SGCZ: variants seen among roughly 807,000 people sequenced by gnomAD.
SGCZ encodes zeta-sarcoglycan.
In SGCZ, 40 loss-of-function variants were observed where a neutral mutation model predicts 41.3. The observed-to-expected ratio is 0.97, with a 90% CI of 0.75 to 1.26. The LOEUF is 1.26. SGCZ is among the 50% of genes most tolerant of loss of function. The pLI is 0.00. For missense variants in SGCZ, 552 were observed against 369.8 expected, an observed-to-expected ratio of 1.49 and a Z score of -4.04; for synonymous variants, 206 against 137.5, an observed-to-expected ratio of 1.50 and a Z score of -3.49.
intron 5 of SGCZ, among the ~76,000 whole-genome samples, chr8:14,112,231 T>C (rs2117013706): frequency 6.6e-6 from 1 of 150,554 alleles, no homozygotes; most frequent in East Asian, 1.9e-4. Flanking sequence ...CTGGCCTTTA[T>C]TTTTCCAATA....
chr8:14,411,369 T>A (rs1455499182), intron 2 of SGCZ, among the ~76,000 whole-genome samples: 1 of 152,140 alleles, frequency 6.6e-6, no homozygotes, highest in East Asian at 1.9e-4. Context: ...CATATTAGTG[T>A]TCTGTTACTT....
intron 1 of SGCZ, among the ~76,000 whole-genome samples, chr8:14,958,793 G>A (rs1191573002): frequency 6.6e-6 from 1 of 152,018 alleles, no homozygotes; most frequent in Non-Finnish European, 1.5e-5. Flanking sequence ...GAAACACACA[G>A]ATGTCTGCAA....
intron 6 of SGCZ, among the ~76,000 whole-genome samples, chr8:14,104,358 T>A (rs1044540914): frequency 6.8e-6 from 1 of 146,138 alleles, no homozygotes; most frequent in African/African-American, 2.4e-5. Context: ...AAGCATTCTG[T>A]TTTTTTATGG....
intron 1 of SGCZ, among the ~76,000 whole-genome samples, chr8:15,111,454 T>G (rs1379669183): frequency 6.6e-6 from 1 of 152,138 alleles, no homozygotes; most frequent in African/African-American, 2.4e-5. Flanking sequence ...CACTTGAGCC[T>G]CAAGCCACGG....
intron 3 of SGCZ, among the ~76,000 whole-genome samples, chr8:14,314,413 A>G (rs917009129): frequency 2.0e-5 from 3 of 152,280 alleles, no homozygotes; most frequent in South Asian, 2.1e-4. Context: ...TATGTAAAAA[A>G]GATATTTGTA....
intron 4 of SGCZ, among the ~76,000 whole-genome samples, chr8:14,228,156 C>T (rs943137951): frequency 1.3e-4 from 20 of 151,992 alleles, no homozygotes; most frequent in Admixed American, 3.9e-4. Context: ...ACCAAATTTC[C>T]AAAGACATGT....
intron 7 of SGCZ, among the ~76,000 whole-genome samples, chr8:14,101,654 T>A (rs1802024886): frequency 6.6e-6 from 1 of 152,112 alleles, no homozygotes; most frequent in Non-Finnish European, 1.5e-5. Flanking sequence ...CCAGGAAATA[T>A]CATTCCTAAA....
chr8:14,278,318 C>T (rs1800305169), intron 3 of SGCZ, among the ~76,000 whole-genome samples: 2 of 152,106 alleles, frequency 1.3e-5, no homozygotes, highest in Admixed American at 6.6e-5. Context: ...ACCTTTTTCT[C>T]CTATATGTCT....
intron 3 of SGCZ, among the ~76,000 whole-genome samples, chr8:14,294,572 T>G (rs751313438): frequency 6.6e-6 from 1 of 151,922 alleles, no homozygotes; most frequent in Non-Finnish European, 1.5e-5. Context: ...AAATCAAACT[T>G]TAAGATTGTT....
intron 1 of SGCZ, among the ~76,000 whole-genome samples, chr8:15,223,102 C>T (rs1161270618): frequency 3.3e-5 from 5 of 152,088 alleles, no homozygotes; most frequent in Non-Finnish European, 5.9e-5. Context: ...TTTACCAACC[C>T]TTAAAGCATA....
chr8:15,132,417 A>G (rs1475535291), intron 1 of SGCZ, among the ~76,000 whole-genome samples: 2 of 152,190 alleles, frequency 1.3e-5, no homozygotes, highest in African/African-American at 2.4e-5. Flanking sequence ...TCCTGTTCTT[A>G]CAGCCGCCAT....
intron 4 of SGCZ, among the ~76,000 whole-genome samples, chr8:14,189,145 C>A (rs1247625781): frequency 6.6e-6 from 1 of 152,074 alleles, no homozygotes; most frequent in Non-Finnish European, 1.5e-5. Flanking sequence ...AGGCGTGAGC[C>A]ACTGCACCTG....
intron 1 of SGCZ, among the ~76,000 whole-genome samples, chr8:14,581,859 T>G (rs1443313310): frequency 1.3e-5 from 2 of 152,206 alleles, no homozygotes; most frequent in Non-Finnish European, 2.9e-5. Flanking sequence ...TATACACAGA[T>G]GATGCTAGAA....
intron 2 of SGCZ, among the ~76,000 whole-genome samples, chr8:14,503,226 C>T (rs917072454): frequency 6.6e-6 from 1 of 152,132 alleles, no homozygotes; most frequent in South Asian, 2.1e-4. Flanking sequence ...TGTTCTCACT[C>T]ATAAGTGGGA....
chr8:14,435,937 T>G (rs763521518), intron 2 of SGCZ, among the ~76,000 whole-genome samples: 3 of 152,138 alleles, frequency 2.0e-5, no homozygotes, highest in Non-Finnish European at 4.4e-5. Flanking sequence ...GAACAAAGAA[T>G]AATGAAAGGA....
chr8:14,468,870 A>C (rs1801128659), intron 2 of SGCZ, among the ~76,000 whole-genome samples: 1 of 152,126 alleles, frequency 6.6e-6, no homozygotes, highest in Admixed American at 6.6e-5. Flanking sequence ...ACAAATAATG[A>C]ATATAAAGTA....
chr8:14,972,328 T>C (rs1201107576), intron 1 of SGCZ, among the ~76,000 whole-genome samples: 2 of 152,174 alleles, frequency 1.3e-5, no homozygotes, highest in East Asian at 3.8e-4. Flanking sequence ...TTCTGATAAA[T>C]TTGGATAGCT....
intron 5 of SGCZ, among the ~76,000 whole-genome samples, chr8:14,108,557 C>G (rs1429858662): frequency 6.6e-6 from 1 of 151,996 alleles, no homozygotes; most frequent in Non-Finnish European, 1.5e-5. Flanking sequence ...CATCAGATCT[C>G]GTGAGACTTA....
intron 1 of SGCZ, among the ~76,000 whole-genome samples, chr8:15,136,896 A>C (rs1808128493): frequency 1.3e-5 from 2 of 152,190 alleles, no homozygotes; most frequent in South Asian, 4.1e-4. Context: ...AAAATGTGCA[A>C]GCAGCTTTGG....
Sources: allele counts gnomAD v4.1 joint callset (sites outside exome capture counted in the v4.1 genomes callset), GRCh38; gene constraint gnomAD v4.1.1; transcripts MANE v1.5; gene names NCBI Gene and HGNC (gene_info 2026-07-23, HGNC 2026-07-21).